VAV3: variants seen among roughly 807,000 people sequenced by gnomAD.
The protein encoded by VAV3 is guanine nucleotide exchange factor VAV3.
Under a neutral mutation model 131.2 loss-of-function variants are expected in VAV3, and 94 were observed. The ratio of observed to expected loss-of-function variants is 0.72; its 90% CI spans 0.61 to 0.85. VAV3 has a LOEUF of 0.85. Ranked by LOEUF, VAV3 falls within the 40% of genes least tolerant of loss-of-function variation. The probability of loss-of-function intolerance (pLI) is 0.00; values close to 1 mark genes in which losing one functional copy is unlikely to be tolerated. For missense variants in VAV3, 939 were observed against 1,002.7 expected (o/e 0.94, Z 0.86); for synonymous variants, 349 against 342.0 (o/e 1.02, Z -0.22).
intron 9 of VAV3, among the ~76,000 whole-genome samples, chr1:107,762,659 A>G (rs1414489276): frequency 1.3e-5 from 2 of 152,198 alleles, no homozygotes; most frequent in Admixed American, 1.3e-4. Flanking sequence ...TGGTAGGAAC[A>G]GAAATATTAT....
rs756438812 is a variant in VAV3 at position 107,760,887 on chromosome 1, A to C, written c.922-8T>G. ...TGCTCTTTTGGAACATTCCTAATGA[A>C]ATGTTTTAAAAACACTTTGTTAGGG... is the stretch of plus-strand genomic sequence containing the variant. On this transcript the variant is annotated splice_polypyrimidine_tract_variant and splice_region_variant and intron_variant, in intron 9 of 26. Coordinates refer to ENST00000370056, the MANE Select transcript of VAV3 (RefSeq NM_006113.5). 1 of 1,606,826 alleles carries C rather than the reference A, an allele frequency of 6.2e-7. No homozygotes were observed. The highest frequency in any genetic ancestry group is 1.3e-5 in the African/African-American group (1 of 74,778).
At chr1:107,918,712 T>A (rs901619498) in intron 1 of VAV3, among the ~76,000 whole-genome samples, 3 of 148,350 alleles carry the variant, frequency 2.0e-5, no homozygotes, top group African/African-American at 7.4e-5. Context: ...TATATTTTTT[T>A]TTTTTTTTGA....
At chr1:107,717,581 G>A (rs887657593) in intron 15 of VAV3, among the ~76,000 whole-genome samples, 6 of 152,200 alleles carry the variant, frequency 3.9e-5, no homozygotes, top group Admixed American at 3.3e-4. Context: ...GTTCTAATTT[G>A]ATTGCACTGT....
intron 25 of VAV3, among the ~76,000 whole-genome samples, chr1:107,587,522 ATGG>A (rs1650596082): frequency 1.3e-5 from 2 of 152,198 alleles, no homozygotes; most frequent in Non-Finnish European, 2.9e-5. Flanking sequence ...TGAAAGCACT[ATGG>A]TAAATTAACT....
chr1:107,729,513 T>C (rs535191385), intron 15 of VAV3, among the ~76,000 whole-genome samples: 4 of 152,266 alleles, frequency 2.6e-5, no homozygotes, highest in African/African-American at 9.6e-5. Flanking sequence ...CAACAAACTC[T>C]CTAAAGAAAA....
chr1:107,923,094 T>C (rs1355396117), intron 1 of VAV3, among the ~76,000 whole-genome samples: 1 of 152,232 alleles, frequency 6.6e-6, no homozygotes, highest in African/African-American at 2.4e-5. Context: ...TATGCTCTTT[T>C]TTCATGTCTG....
chr1:107,748,461 C>A (rs1180020105), intron 15 of VAV3, among the ~76,000 whole-genome samples: 2 of 152,092 alleles, frequency 1.3e-5, no homozygotes, highest in East Asian at 3.9e-4. Context: ...AGAAATCAAG[C>A]CCTTAAAGCA....
At chr1:107,872,610 CT>C (rs1246661649) in intron 2 of VAV3, among the ~76,000 whole-genome samples, 2 of 152,152 alleles carry the variant, frequency 1.3e-5, no homozygotes, top group African/African-American at 4.8e-5. Context: ...TACCCACAAG[CT>C]AGGACCTATA....
intron 1 of VAV3, chr1:107,963,719 T>C (rs1284950296): frequency 6.6e-6 from 1 of 152,056 alleles, no homozygotes; most frequent in African/African-American, 2.4e-5. Flanking sequence ...CTCTGTCCTC[T>C]CCCTTTTAAG....
intron 15 of VAV3, among the ~76,000 whole-genome samples, chr1:107,733,806 G>A (rs1437590292): frequency 6.6e-6 from 1 of 152,178 alleles, no homozygotes; most frequent in East Asian, 1.9e-4. Flanking sequence ...AATCAAGCTG[G>A]AAAACACTCT....
chr1:107,866,511 G>A (rs1404249876), intron 2 of VAV3, among the ~76,000 whole-genome samples: 1 of 152,022 alleles, frequency 6.6e-6, no homozygotes. Flanking sequence ...GCAAAAGCAA[G>A]GAGGGTTAAA....
intron 20 of VAV3, among the ~76,000 whole-genome samples, chr1:107,625,871 G>A (rs4290084): frequency 0.13 from 19,053 of 152,078 alleles, 1,299 homozygotes; most frequent in East Asian, 0.2. Context: ...CCAAATTCAT[G>A]GCCCACTGAA....
chr1:107,949,351 T>C (rs345278), intron 1 of VAV3, among the ~76,000 whole-genome samples: 135,637 of 152,040 alleles, frequency 0.89, 61,477 homozygotes, highest in South Asian at 0.97. Flanking sequence ...TGCTTTGCTG[T>C]CCAGGCTGGA....
intron 4 of VAV3, among the ~76,000 whole-genome samples, chr1:107,776,459 A>G (rs1166875070): frequency 6.6e-6 from 1 of 152,192 alleles, no homozygotes; most frequent in Non-Finnish European, 1.5e-5. Flanking sequence ...CTCTGTAGGG[A>G]AATCTAAGCA....
At chr1:107,737,465 G>A (rs1419654670) in intron 15 of VAV3, among the ~76,000 whole-genome samples, 1 of 152,082 alleles carries the variant, frequency 6.6e-6, no homozygotes, top group African/African-American at 2.4e-5. Context: ...ATCTGACAAA[G>A]GACTAATATC....
At position 107,930,247 on chromosome 1, in the gene VAV3, T is replaced by G. The variant is rs1385556715; in HGVS notation, c.204+34419A>C. 2.0e-5 allele frequency among the ~76,000 whole-genome samples: 3 copies of G among 152,208 alleles called. No homozygotes were observed. In the East Asian group the frequency reaches 5.8e-4, roughly 29 times the overall value. On this transcript the variant is annotated intron_variant, in intron 1 of 26. Transcript: ENST00000370056. ...GGATACCCCATGTACTCTGATGTGATTATTACACATTGCATGCCTATATCA... is the reference window on the plus strand; with the variant it reads ...GGATACCCCATGTACTCTGATGTGAGTATTACACATTGCATGCCTATATCA...
At chr1:107,844,952 C>T (rs974120695) in intron 2 of VAV3, among the ~76,000 whole-genome samples, 5 of 151,654 alleles carry the variant, frequency 3.3e-5, no homozygotes, top group African/African-American at 1.2e-4. Flanking sequence ...CGTTTGAGCT[C>T]TGCTAAGGGA....
chr1:107,787,123 T>C (rs541290381), intron 2 of VAV3, among the ~76,000 whole-genome samples: 27 of 152,276 alleles, frequency 1.8e-4, no homozygotes, highest in African/African-American at 6.0e-4. Flanking sequence ...CAGAATACCA[T>C]GGCCCAGAAA....
chr1:107,888,065 C>A (rs554818289), intron 1 of VAV3, among the ~76,000 whole-genome samples: 1 of 151,054 alleles, frequency 6.6e-6, no homozygotes, highest in African/African-American at 2.4e-5. Flanking sequence ...TGTGTTAATT[C>A]TTCTACATAA....
Sources: allele counts gnomAD v4.1 joint callset (sites outside exome capture counted in the v4.1 genomes callset), GRCh38; gene constraint gnomAD v4.1.1; transcripts MANE v1.5; gene names NCBI Gene and HGNC (gene_info 2026-07-23, HGNC 2026-07-21).